LRRC4C: variants seen among roughly 807,000 people sequenced by gnomAD.
LRRC4C encodes the protein leucine rich repeat containing 4C.
Under a neutral mutation model 33.6 loss-of-function variants are expected in LRRC4C, and 5 were observed. The ratio of observed to expected loss-of-function variants is 0.15; its 90% CI spans 0.08 to 0.31. The LOEUF (loss-of-function observed/expected upper bound fraction) is 0.31, where lower values mean the gene tolerates loss of function less well. Ranked by LOEUF, LRRC4C falls within the 10% of genes least tolerant of loss-of-function variation. The probability of loss-of-function intolerance (pLI) is 1.00; values close to 1 mark genes in which losing one functional copy is unlikely to be tolerated. For missense variants in LRRC4C, 560 were observed against 796.7 expected (o/e 0.70, Z 3.58); for synonymous variants, 329 against 302.0 (o/e 1.09, Z -0.93).
At chr11:41,168,290 C>A (rs974788748) in intron 1 of LRRC4C, among the ~76,000 whole-genome samples, 3 of 152,138 alleles carry the variant, frequency 2.0e-5, no homozygotes, top group African/African-American at 7.2e-5. Flanking sequence ...GATGAGCTAG[C>A]TAAAGCACAG....
At chr11:40,414,504 T>C (rs1950256766) in intron 3 of LRRC4C, among the ~76,000 whole-genome samples, 1 of 152,104 alleles carries the variant, frequency 6.6e-6, no homozygotes, top group Non-Finnish European at 1.5e-5. Context: ...AAATGCATTA[T>C]AGGGCAGCAG....
intron 1 of LRRC4C, among the ~76,000 whole-genome samples, chr11:41,048,599 C>T (rs1023624782): frequency 6.6e-6 from 1 of 152,064 alleles, no homozygotes; most frequent in Non-Finnish European, 1.5e-5. Context: ...TCATCTTGGT[C>T]TACCCTTTGA....
chr11:40,590,454 G>A (rs1311727144), intron 3 of LRRC4C, among the ~76,000 whole-genome samples: 8 of 150,794 alleles, frequency 5.3e-5, no homozygotes, highest in South Asian at 4.3e-4. Context: ...TAATTTGATC[G>A]TCTGAAGCCT....
intron 1 of LRRC4C, among the ~76,000 whole-genome samples, chr11:41,165,295 T>A (rs1944670318): frequency 6.6e-6 from 1 of 152,120 alleles, no homozygotes; most frequent in Admixed American, 6.6e-5. Flanking sequence ...GGGATCACCA[T>A]CATATATGAG....
chr11:40,805,704 C>CA (rs1273328414), intron 2 of LRRC4C, among the ~76,000 whole-genome samples: 1 of 151,808 alleles, frequency 6.6e-6, no homozygotes, highest in Non-Finnish European at 1.5e-5. Flanking sequence ...ATTAACTGCA[C>CA]AAAAAAACAC....
intron 3 of LRRC4C, among the ~76,000 whole-genome samples, chr11:40,391,893 A>C (rs751820140): frequency 6.6e-6 from 1 of 152,214 alleles, no homozygotes; most frequent in Non-Finnish European, 1.5e-5. Context: ...GGAAACAATC[A>C]AGCTGTCCTT....
intron 4 of LRRC4C, among the ~76,000 whole-genome samples, chr11:40,284,956 G>A (rs1171371690): frequency 6.6e-6 from 1 of 152,066 alleles, no homozygotes; most frequent in African/African-American, 2.4e-5. Context: ...TGTAGGGTTT[G>A]GTACTATCAG....
At chr11:40,150,912 T>A (rs777409267) in intron 5 of LRRC4C, among the ~76,000 whole-genome samples, 7 of 152,072 alleles carry the variant, frequency 4.6e-5, no homozygotes, top group Non-Finnish European at 8.8e-5. Context: ...TGCTTAGGGA[T>A]TACATATGGG....
chr11:40,125,551 T>TCC lies in LRRC4C; in HGVS notation c.-42-9218_-42-9217insGG, dbSNP rs1491273665. Among the ~76,000 whole-genome samples, 17 of 99,334 alleles carry TCC rather than the reference T, an allele frequency of 1.7e-4. No homozygotes were observed. In the South Asian group the frequency reaches 5.5e-3, roughly 32 times the overall value. The allele number at this position is 99,334 out of a possible 152,430, so 65.2% of individuals were successfully genotyped here. A position where few individuals can be genotyped will look rare whatever the true frequency, so the allele number is the denominator to read the frequency against. On this transcript the variant is annotated intron_variant, in intron 6 of 6. Coordinates refer to ENST00000528697, the MANE Select transcript of LRRC4C (RefSeq NM_001258419.2). ...TCCTCACACGTTTATGTTCATTTCT[T>TCC]CTCTCTCTCTCTCTCTCCTTATTTC...
intron 3 of LRRC4C, among the ~76,000 whole-genome samples, chr11:40,566,809 G>A (rs4315059): frequency 0.55 from 83,507 of 151,888 alleles, 23,374 homozygotes; most frequent in East Asian, 0.76. Flanking sequence ...AGATGCATGG[G>A]ATACCACCTG....
chr11:41,077,561 G>T (rs1315283151), intron 1 of LRRC4C, among the ~76,000 whole-genome samples: 1 of 152,170 alleles, frequency 6.6e-6, no homozygotes, highest in East Asian at 1.9e-4. Flanking sequence ...GAGATGGAGG[G>T]TGTCATGTTG....
chr11:41,345,408 C>T (rs1750800412), intron 1 of LRRC4C, among the ~76,000 whole-genome samples: 1 of 152,060 alleles, frequency 6.6e-6, no homozygotes, highest in Admixed American at 6.5e-5. Context: ...CTTTAGGATG[C>T]TAATTGATAA....
At chr11:40,528,879 C>A (rs1001518652) in intron 3 of LRRC4C, among the ~76,000 whole-genome samples, 2 of 151,992 alleles carry the variant, frequency 1.3e-5, no homozygotes, top group African/African-American at 4.8e-5. Context: ...GTAAAATAAG[C>A]CAATCACAGA....
At chr11:40,839,395 A>G (rs886709534) in intron 2 of LRRC4C, among the ~76,000 whole-genome samples, 1 of 151,900 alleles carries the variant, frequency 6.6e-6, no homozygotes, top group African/African-American at 2.4e-5. Context: ...ACAGACACCC[A>G]CCACCATGCC....
chr11:41,190,065 CAT>C (rs1296822822), intron 1 of LRRC4C, among the ~76,000 whole-genome samples: 3 of 152,178 alleles, frequency 2.0e-5, no homozygotes, highest in African/African-American at 7.2e-5. Flanking sequence ...CATGCATGAA[CAT>C]GTGTTATGTA....
At chr11:41,195,381 C>T (rs140211141) in intron 1 of LRRC4C, among the ~76,000 whole-genome samples, 2 of 152,062 alleles carry the variant, frequency 1.3e-5, no homozygotes, top group African/African-American at 2.4e-5. Flanking sequence ...TAGATAAAGC[C>T]ATTTAAAAAA....
intron 2 of LRRC4C, among the ~76,000 whole-genome samples, chr11:40,698,067 CAAA>C (rs10713512): frequency 0.064 from 6,713 of 105,254 alleles, 488 homozygotes; most frequent in African/African-American, 0.2. Context: ...GACTCTGTCT[CAAA>C]AAAAAAAAAA....
chr11:41,172,713 T>A (rs902424930), intron 1 of LRRC4C, among the ~76,000 whole-genome samples: 3 of 152,122 alleles, frequency 2.0e-5, no homozygotes, highest in Admixed American at 1.3e-4. Flanking sequence ...CTTTAAACAG[T>A]TTTTACCAAT....
chr11:40,979,961 T>C (rs1852388619), intron 1 of LRRC4C, among the ~76,000 whole-genome samples: 2 of 152,198 alleles, frequency 1.3e-5, no homozygotes, highest in Non-Finnish European at 2.9e-5. Flanking sequence ...ATAAAATTTC[T>C]TAGGGATGGA....
Sources: gnomAD v4.1 joint callset for allele counts (sites outside exome capture counted in the v4.1 genomes callset) on GRCh38, gnomAD v4.1.1 for gene constraint, MANE v1.5 for transcripts, NCBI Gene and HGNC (gene_info 2026-07-23, HGNC 2026-07-21) for gene names.